The following NXN variants were observed in gnomAD, a reference collection of about 807,000 sequenced individuals.
NXN encodes nucleoredoxin 1.
A neutral mutation model predicts 48.6 loss-of-function variants in NXN; 16 were observed. That is an observed-to-expected ratio of 0.33 (90% CI 0.22 to 0.50). The LOEUF (loss-of-function observed/expected upper bound fraction) is 0.50. Ranked by LOEUF, NXN falls within the 20% of genes least tolerant of loss-of-function variation. The pLI is 0.98. For synonymous variants in NXN, 281 were observed against 269.6 expected (o/e 1.04, Z -0.41); for missense variants, 492 against 605.5 (o/e 0.81, Z 1.97).
intron 1 of NXN, among the ~76,000 whole-genome samples, chr17:886,461 C>T (rs1356250002): frequency 2.6e-5 from 4 of 152,164 alleles, no homozygotes; most frequent in African/African-American, 7.2e-5. Flanking sequence ...TGGCAGCGCA[C>T]GGAGAGGCTT....
intron 5 of NXN, among the ~76,000 whole-genome samples, chr17:810,490 G>T (rs1420614698): frequency 6.6e-6 from 1 of 152,220 alleles, no homozygotes; most frequent in Non-Finnish European, 1.5e-5. Flanking sequence ...AAGGCCGTGG[G>T]GGTGAGATGG....
rs192233398 is a variant in NXN, at chr17:877,163, T to C, written c.361-51085A>G. On this transcript the variant is annotated intron_variant, in intron 1 of 7. Transcript: ENST00000336868. Reference sequence around the variant, plus strand: ...GGAACAGCGACGGTGTTGTTTTTTTTTGGAGACGGAGTCTCACTCTGTCGC... The same window carrying C: ...GGAACAGCGACGGTGTTGTTTTTTTCTGGAGACGGAGTCTCACTCTGTCGC... Among the ~76,000 whole-genome samples, 12 of 151,872 alleles carry C rather than the reference T, an allele frequency of 7.9e-5. No homozygotes were observed. The South Asian group carries it at 1.2e-3, about 16-fold the overall frequency.
intron 5 of NXN, among the ~76,000 whole-genome samples, chr17:806,182 C>T (rs1911500804): frequency 1.7e-5 from 2 of 114,824 alleles, no homozygotes; most frequent in East Asian, 2.9e-4. Flanking sequence ...CACCCCAGCA[C>T]AACCCCCTCC....
At chr17:952,153 C>G (rs1363133123) in intron 1 of NXN, among the ~76,000 whole-genome samples, 1 of 150,876 alleles carries the variant, frequency 6.6e-6, no homozygotes, top group African/African-American at 2.5e-5. Context: ...CAGGAGGTTG[C>G]AGAAAATTCA....
At chr17:950,884 C>T (rs58767406) in intron 1 of NXN, among the ~76,000 whole-genome samples, 4,171 of 152,090 alleles carry the variant, frequency 0.027, 183 homozygotes, top group African/African-American at 0.094. Context: ...GTAAAGACAC[C>T]TCCGTAAGAA....
At chr17:818,956 G>A (rs1852872677) in intron 5 of NXN, among the ~76,000 whole-genome samples, 1 of 151,816 alleles carries the variant, frequency 6.6e-6, no homozygotes, top group Non-Finnish European at 1.5e-5. Context: ...TTTAGTAGTA[G>A]TATTTTTTGA....
intron 7 of NXN, among the ~76,000 whole-genome samples, chr17:803,419 G>T (rs775961142): frequency 2.8e-4 from 43 of 152,362 alleles, no homozygotes; most frequent in African/African-American, 1.0e-3. Context: ...CTCCCCAGCC[G>T]CTCAGGCGGG....
chr17:950,497 T>C (rs2360110), intron 1 of NXN, among the ~76,000 whole-genome samples: 58,973 of 147,388 alleles, frequency 0.4, 12,406 homozygotes, highest in African/African-American at 0.57. Context: ...TTTCATCCCC[T>C]GTCGATTCCC....
intron 1 of NXN, among the ~76,000 whole-genome samples, chr17:906,580 T>G (rs1361905619): frequency 6.6e-6 from 1 of 151,158 alleles, no homozygotes; most frequent in East Asian, 2.1e-4. Flanking sequence ...GGGTTTTTTT[T>G]TTTTTTGAGA....
chr17:825,935 A>G lies in NXN; in HGVS notation c.478+26T>C, dbSNP rs775529046. On this transcript the variant is annotated intron_variant, in intron 2 of 7. Coordinates refer to ENST00000336868, the MANE Select transcript of NXN (RefSeq NM_022463.5). The surrounding 1 kb of genome is among the most constrained non-coding windows in gnomAD (Gnocchi z 4.1). Reference sequence around the variant, plus strand: ...GGAGGGAGGGCTGGGTAATAAGAGGACCATATGCACGGGCTGAGGTTTTAC... The same window carrying G: ...GGAGGGAGGGCTGGGTAATAAGAGGGCCATATGCACGGGCTGAGGTTTTAC... 3.5e-6 allele frequency: 5 copies of G among 1,442,906 alleles called. No individual in the cohort carries two copies. The highest frequency in any genetic ancestry group is 4.5e-5 in the East Asian group (2 of 44,066). The allele number at this position is 1,442,906 out of a possible 1,614,324, so 89.4% of individuals were successfully genotyped here. A position where few individuals can be genotyped will look rare whatever the true frequency, so the allele number is the denominator to read the frequency against.
chr17:881,472 C>T (rs185438311), intron 1 of NXN, among the ~76,000 whole-genome samples: 2 of 152,304 alleles, frequency 1.3e-5, no homozygotes, highest in East Asian at 3.9e-4. Flanking sequence ...AGAAATCTGC[C>T]TGCCTTGGCC....
intron 2 of NXN, among the ~76,000 whole-genome samples, chr17:824,211 T>C (rs1912975511): frequency 6.6e-6 from 1 of 151,542 alleles, no homozygotes. Flanking sequence ...GGCTAATGTT[T>C]TTTTTCTATT....
chr17:917,218 C>A lies in NXN; in HGVS notation c.360+62101G>T, dbSNP rs915910834. On this transcript the variant is annotated intron_variant, in intron 1 of 7. Transcript: ENST00000336868. The surrounding 1 kb of genome is among the most constrained non-coding windows in gnomAD (Gnocchi z 4.5). ...GTGCAATGGCGCGACCTCGGCTCGC[C>A]GTGGCCTCCGCCTCGCGGGTTCAAG... Among the ~76,000 whole-genome samples the A allele has an allele frequency of 3.9e-5, 6 of 152,156 alleles. No individual in the cohort carries two copies. The highest frequency in any genetic ancestry group is 1.4e-4 in the African/African-American group (6 of 41,534).
chr17:857,925 T>C (rs534601665), intron 1 of NXN, among the ~76,000 whole-genome samples: 87 of 152,272 alleles, frequency 5.7e-4, no homozygotes, highest in Admixed American at 1.7e-3. Flanking sequence ...ATTACTAACG[T>C]TTCTCTAACA....
At chr17:833,786 G>C (rs1246943216) in intron 1 of NXN, among the ~76,000 whole-genome samples, 1 of 152,110 alleles carries the variant, frequency 6.6e-6, no homozygotes, top group Non-Finnish European at 1.5e-5. Context: ...AACTGAGAGA[G>C]AGATAATCCT....
intron 1 of NXN, chr17:878,331 A>G (rs939661537): frequency 1.4e-4 from 19 of 131,044 alleles, no homozygotes; most frequent in African/African-American, 5.4e-4. Flanking sequence ...GGCTGAGCAG[A>G]GTGTGCAAAG....
In NXN at chr17:917,996, G is replaced by A. The variant is rs974750937; in HGVS notation, c.360+61323C>T. Among the ~76,000 whole-genome samples the A allele has an allele frequency of 6.6e-5, 10 of 152,150 alleles. No homozygotes were observed. The highest frequency in any genetic ancestry group is 1.3e-4 in the Non-Finnish European group (9 of 68,028). ...AGACACATGGCTCACGGCAGGGCCC[G>A]GCACATCACAAAAACTCACTCCGTA... On this transcript the variant is annotated intron_variant, in intron 1 of 7. Coordinates refer to ENST00000336868, the MANE Select transcript of NXN (RefSeq NM_022463.5). The surrounding 1 kb of genome is among the most constrained non-coding windows in gnomAD (Gnocchi z 4.5).
At chr17:945,655 C>A (rs2069035249) in intron 1 of NXN, among the ~76,000 whole-genome samples, 1 of 151,496 alleles carries the variant, frequency 6.6e-6, no homozygotes. Context: ...AAAGTGTTTC[C>A]CAGATGACAG....
At chr17:972,054 A>G (rs1258594487) in intron 1 of NXN, among the ~76,000 whole-genome samples, 1 of 152,210 alleles carries the variant, frequency 6.6e-6, no homozygotes, top group Admixed American at 6.5e-5. Flanking sequence ...TAAGCCCAGC[A>G]CTTTGGGAGG....
Sources: gnomAD v4.1 joint callset for allele counts (sites outside exome capture counted in the v4.1 genomes callset) on GRCh38, gnomAD v4.1.1 for gene constraint, Gnocchi (gnomAD v3.1) non-coding constraint, MANE v1.5 for transcripts, NCBI Gene and HGNC (gene_info 2026-07-23, HGNC 2026-07-21) for gene names.